MAP4: variants seen among roughly 807,000 people sequenced by gnomAD.
MAP4 encodes the protein microtubule associated protein 4.
MAP4 carries 76 observed loss-of-function variants against 170.2 expected under a neutral mutation model. The ratio of observed to expected loss-of-function variants is 0.45; its 90% CI spans 0.37 to 0.54. MAP4 has a LOEUF of 0.54. MAP4 is among the 20% of genes least tolerant of loss of function. The pLI is 0.00. For synonymous variants in MAP4, 909 were observed against 994.5 expected, an observed-to-expected ratio of 0.91 and a Z score of 1.62; for missense variants, 2,506 against 2,748.0, an observed-to-expected ratio of 0.91 and a Z score of 1.97.
At chr3:47,876,258 A>C (rs1235735011) in intron 11 of MAP4, among the ~76,000 whole-genome samples, 3 of 151,636 alleles carry the variant, frequency 2.0e-5, no homozygotes, top group Admixed American at 1.3e-4. Flanking sequence ...CAGCCTCCCA[A>C]GTAGCTGGGA....
chr3:47,900,521 C>T, intron 10 of MAP4, among the ~76,000 whole-genome samples: 1 of 152,120 alleles, frequency 6.6e-6, no homozygotes, highest in Admixed American at 6.5e-5. Flanking sequence ...AGGCGCATCA[C>T]CTGCTGGAGT....
At chr3:47,972,813 G>T (rs2100079563) in intron 3 of MAP4, among the ~76,000 whole-genome samples, 1 of 151,850 alleles carries the variant, frequency 6.6e-6, no homozygotes, top group African/African-American at 2.4e-5. Flanking sequence ...GTGAACCCGG[G>T]AAGCGGAGCT....
intron 2 of MAP4, chr3:47,987,472 G>C: frequency 7.4e-7 from 1 of 1,360,312 alleles, no homozygotes; most frequent in Non-Finnish European, 9.9e-7. Flanking sequence ...GAATGTTCTG[G>C]AAAGTTACAT....
intron 3 of MAP4, among the ~76,000 whole-genome samples, chr3:47,931,508 T>C (rs2100049798): frequency 6.6e-6 from 1 of 152,118 alleles, no homozygotes; most frequent in Non-Finnish European, 1.5e-5. Flanking sequence ...GACAGGGTCT[T>C]GCTCTGTCAT....
intron 1 of MAP4, among the ~76,000 whole-genome samples, chr3:48,027,368 C>T (rs77432274): frequency 0.011 from 1,627 of 152,236 alleles, 29 homozygotes; most frequent in African/African-American, 0.037. Flanking sequence ...TCCCAACTCC[C>T]ACCAAGCCCA....
chr3:47,942,539 G>A (rs571658493), intron 3 of MAP4, among the ~76,000 whole-genome samples: 30 of 152,220 alleles, frequency 2.0e-4, no homozygotes, highest in African/African-American at 7.0e-4. Flanking sequence ...GGGACTACAG[G>A]TACATGCCAC....
Position 47,998,726 on chromosome 3 carries a change from T to C in MAP4, c.135A>G (p.Thr45=), listed in dbSNP as rs1392954451. ...DDVVGETVGK[T]DYIPLLDVDE... ...CAACATCCAGGAGAGGAATATAGTC[T>C]GTTTTTCCAACAGTTTCTCCCACAA... The change falls in exon 2 of 21, where the codon ACA becomes ACG. Residue 45 remains threonine, a synonymous_variant. Coordinates refer to ENST00000683076, the MANE Select transcript of MAP4 (RefSeq NM_001385682.1). The C allele has an allele frequency of 6.2e-7, 1 of 1,614,192 alleles. No homozygotes were observed. Among genetic ancestry groups the C allele is most frequent in the Admixed American group, 1.7e-5 (1 of 60,024 alleles).
chr3:48,043,382 T>A (rs1393511063), intron 1 of MAP4, among the ~76,000 whole-genome samples: 1 of 152,188 alleles, frequency 6.6e-6, no homozygotes, highest in Non-Finnish European at 1.5e-5. Context: ...ATTACAGGCA[T>A]GAGCCACTGT....
chr3:48,061,836 G>T (rs796443442), intron 1 of MAP4, among the ~76,000 whole-genome samples: 4 of 120,104 alleles, frequency 3.3e-5, no homozygotes, highest in Non-Finnish European at 5.5e-5. Context: ...CCGGGAGGGA[G>T]GTGGGGGGCA....
chr3:47,923,623 T>TAA (rs540228735), intron 4 of MAP4, among the ~76,000 whole-genome samples: 2 of 126,812 alleles, frequency 1.6e-5, no homozygotes, highest in African/African-American at 2.9e-5. Context: ...GCTTTTTGTT[T>TAA]AAAAAAAAAA....
At chr3:48,043,703 A>T (rs1318218296) in intron 1 of MAP4, among the ~76,000 whole-genome samples, 1 of 152,226 alleles carries the variant, frequency 6.6e-6, no homozygotes, top group Non-Finnish European at 1.5e-5. Flanking sequence ...AAAAACTAAG[A>T]AGAAAAATTA....
At chr3:47,905,768 T>C (rs1001817885) in intron 9 of MAP4, among the ~76,000 whole-genome samples, 15 of 151,302 alleles carry the variant, frequency 9.9e-5, no homozygotes, top group African/African-American at 3.6e-4. Context: ...CTGAGGCAAG[T>C]GGATCGCCTA....
intron 10 of MAP4, among the ~76,000 whole-genome samples, chr3:47,883,141 T>C (rs1248235493): frequency 4.6e-5 from 7 of 152,134 alleles, no homozygotes; most frequent in Non-Finnish European, 5.9e-5. Flanking sequence ...TTCCTCTTCA[T>C]AGATTAAGCA....
chr3:47,966,323 T>C (rs759020307), intron 3 of MAP4, among the ~76,000 whole-genome samples: 2 of 147,402 alleles, frequency 1.4e-5, no homozygotes, highest in Non-Finnish European at 3.0e-5. Flanking sequence ...TCTTGGCTTA[T>C]GTAAGCTCTG....
chr3:47,931,073 C>T (rs540168544), intron 3 of MAP4, among the ~76,000 whole-genome samples: 4 of 151,902 alleles, frequency 2.6e-5, no homozygotes, highest in South Asian at 4.2e-4. Flanking sequence ...ACTACAAAAC[C>T]ACTAAAATGG....
At chr3:48,025,939 CAA>C (rs1372548356) in intron 1 of MAP4, among the ~76,000 whole-genome samples, 1 of 69,084 alleles carries the variant, frequency 1.4e-5, no homozygotes, top group Non-Finnish European at 3.5e-5. Context: ...ATAATAATAA[CAA>C]TAATAATAAT....
intron 19 of MAP4, among the ~76,000 whole-genome samples, chr3:47,854,090 G>A (rs181400490): frequency 1.1e-4 from 17 of 152,264 alleles, no homozygotes; most frequent in African/African-American, 3.4e-4. Flanking sequence ...GTTTCTAATC[G>A]GCATAGTGAG....
intron 9 of MAP4, among the ~76,000 whole-genome samples, chr3:47,906,998 G>T (rs1303925550): frequency 6.6e-6 from 1 of 151,978 alleles, no homozygotes; most frequent in African/African-American, 2.4e-5. Flanking sequence ...ACCACACCCA[G>T]CTAGTTTTGT....
At chr3:48,047,549 CA>C (rs1431241248) in intron 1 of MAP4, among the ~76,000 whole-genome samples, 2 of 151,848 alleles carry the variant, frequency 1.3e-5, no homozygotes, top group Non-Finnish European at 2.9e-5. Context: ...TGGCCTGGCC[CA>C]ACATAACTTA....
Sources: gnomAD v4.1 joint callset for allele counts (sites outside exome capture counted in the v4.1 genomes callset) on GRCh38, gnomAD v4.1.1 for gene constraint, MANE v1.5 for transcripts, NCBI Gene and HGNC (gene_info 2026-07-23, HGNC 2026-07-21) for gene names.